Variants in NMRK1 observed in about 807,000 individuals in gnomAD.
The protein encoded by NMRK1 is NRK 1.
In NMRK1, 28 loss-of-function variants were observed where a neutral mutation model predicts 29.9. The ratio of observed to expected loss-of-function variants is 0.94; its 90% CI spans 0.69 to 1.28. The LOEUF (loss-of-function observed/expected upper bound fraction) is 1.28, where lower values mean the gene tolerates loss of function less well. Among genes scored for constraint, NMRK1 ranks in the 50% most tolerant of loss-of-function variants. NMRK1 has a pLI of 0.00. For synonymous variants in NMRK1, 58 were observed against 73.0 expected (o/e 0.79, Z 1.05); for missense variants, 218 against 233.1 (o/e 0.94, Z 0.42).
chr9:75,082,988 G>A, intron 2 of NMRK1, 99 bp downstream of exon 2: 2 of 871,040 alleles, frequency 2.3e-6, no homozygotes, highest in East Asian at 4.8e-5. Flanking sequence ...CAGGACTCTG[G>A]AATCCTCACT....
chr9:75,064,039 T>A (rs1823197692), intron 8 of NMRK1, among the ~76,000 whole-genome samples: 1 of 152,008 alleles, frequency 6.6e-6, no homozygotes, highest in African/African-American at 2.4e-5. Flanking sequence ...GCCTCTAGGA[T>A]GTAGGGAAGG....
chr9:75,078,382 G>T (rs1252579866), intron 2 of NMRK1: 2 of 1,566,828 alleles, frequency 1.3e-6, no homozygotes, highest in Non-Finnish European at 1.7e-6. Context: ...TCCACCTGGG[G>T]GCCAGCTGGG....
At chr9:75,083,836 A>C (rs1045698505) in intron 1 of NMRK1, among the ~76,000 whole-genome samples, 2 of 152,250 alleles carry the variant, frequency 1.3e-5, no homozygotes, top group Non-Finnish European at 2.9e-5. Context: ...TTATATAACA[A>C]GAGAAAAAAC....
chr9:75,066,418 T>C, intron 8 of NMRK1: 2 of 397,680 alleles, frequency 5.0e-6, no homozygotes, highest in South Asian at 4.1e-5. Context: ...GCTCTGGACA[T>C]ACTAAAAAAA....
intron 3 of NMRK1, 63 bp downstream of exon 3, chr9:75,077,427 C>T (rs763246067): frequency 8.3e-7 from 1 of 1,199,106 alleles, no homozygotes; most frequent in Non-Finnish European, 1.2e-6. Context: ...GGATGTAATT[C>T]AATTAACGTG....
At chr9:75,076,463 A>C (rs1443223712) in intron 4 of NMRK1, among the ~76,000 whole-genome samples, 1 of 152,242 alleles carries the variant, frequency 6.6e-6, no homozygotes, top group Admixed American at 6.5e-5. Flanking sequence ...GAGAAAAAAA[A>C]GTATTTATTA....
At chr9:75,077,729 G>A in intron 2 of NMRK1, 149 bp from the exon 3 acceptor site, 1 of 598,310 alleles carries the variant, frequency 1.7e-6, no homozygotes, top group Non-Finnish European at 3.0e-6. Context: ...TCCGATTCAT[G>A]GGTTCAAGTG....
intron 8 of NMRK1, chr9:75,066,171 G>A: frequency 2.2e-6 from 1 of 450,848 alleles, no homozygotes; most frequent in South Asian, 1.7e-5. Context: ...TCCAACAATG[G>A]AACACTAGGC....
intron 1 of NMRK1, 28 bp from the exon 2 acceptor site, chr9:75,083,178 T>C: frequency 8.7e-7 from 1 of 1,150,002 alleles, no homozygotes; most frequent in East Asian, 2.3e-5. Flanking sequence ...AACAAACAAA[T>C]CAAATGCATT....
chr9:75,079,593 G>T (rs1259304071), intron 2 of NMRK1, among the ~76,000 whole-genome samples: 1 of 152,198 alleles, frequency 6.6e-6, no homozygotes, highest in Non-Finnish European at 1.5e-5. Flanking sequence ...CTAGAAGACA[G>T]TCTGAGATAT....
intron 1 of NMRK1, chr9:75,087,643 G>A (rs1422434013): frequency 6.6e-6 from 1 of 151,768 alleles, no homozygotes; most frequent in African/African-American, 2.4e-5. Flanking sequence ...ATTCTTAGCA[G>A]GCCTTACAGT....
At position 75,077,528 on chromosome 9, in the gene NMRK1, G is replaced by A; in HGVS notation, c.82C>T (p.Pro28Ser). 1 of 1,613,414 alleles carries A rather than the reference G, an allele frequency of 6.2e-7. No individual in the cohort carries two copies. The highest frequency in any genetic ancestry group is 1.1e-5 in the South Asian group (1 of 91,062). ...TCCTGAGATATGACACTGCAATTTG[G>A]GAGGTGTTTCTGCAAATTCTTAGCC... ...TLAKNLQKHL[P>S]NCSVISQDDF... Residue 28 changes from proline to serine, a missense_variant, in exon 3 of 9, where the codon CCA becomes TCA. Transcript: ENST00000361092.
chr9:75,075,013 G>A (rs970288971), intron 4 of NMRK1, among the ~76,000 whole-genome samples: 2 of 152,240 alleles, frequency 1.3e-5, no homozygotes, highest in East Asian at 3.9e-4. Context: ...GTATATTAGG[G>A]CCTTTGTTTT....
chr9:75,069,665 A>G (rs1304457142), intron 6 of NMRK1, 77 bp downstream of exon 6: 8 of 1,160,932 alleles, frequency 6.9e-6, no homozygotes, highest in African/African-American at 1.5e-5. Context: ...GCATTGCTCA[A>G]TAATGTTGCT....
intron 8 of NMRK1, chr9:75,066,344 C>T: frequency 1.2e-5 from 6 of 484,236 alleles, no homozygotes; most frequent in South Asian, 9.1e-5. Context: ...TTTTGTTTAT[C>T]TTTGAGGTAT....
At chr9:75,078,483 C>G in intron 2 of NMRK1, 1 of 1,432,896 alleles carries the variant, frequency 7.0e-7, no homozygotes. Context: ...AGTTACTCCT[C>G]TTTAGATCTA....
At chr9:75,074,455 C>T (rs759287956) in intron 4 of NMRK1, among the ~76,000 whole-genome samples, 8 of 151,922 alleles carry the variant, frequency 5.3e-5, no homozygotes, top group Non-Finnish European at 8.8e-5. Flanking sequence ...TGGCATATCT[C>T]GGCTCACTAT....
Position 75,069,804 on chromosome 9 carries a change from G to A in NMRK1, c.327C>T (p.Asp109=), listed in dbSNP as rs752473842. Residue 109 remains aspartate (D), a synonymous_variant, in exon 6 of 9, where the codon GAC becomes GAT. Coordinates refer to ENST00000361092, the MANE Select transcript of NMRK1 (RefSeq NM_017881.3). ...GGAAATAGCTTCTATTCCATATAGT[G>A]TCAAGGGGCCTAAAATAACAGCATA... ...GFLLFNYKPL[D]TIWNRSYFLT... is the part of the protein sequence containing the mutation. 6.2e-7 allele frequency: 1 copy of A among 1,612,890 alleles called. No homozygotes were observed. Among genetic ancestry groups the A allele is most frequent in the Non-Finnish European group, 8.5e-7 (1 of 1,179,344 alleles).
In NMRK1 at chr9:75,064,153, T is replaced by C. The variant is rs1268403509; in HGVS notation, c.581-2586A>G. Among the ~76,000 whole-genome samples, 4 of 152,192 alleles carry C rather than the reference T, an allele frequency of 2.6e-5. No individual in the cohort carries two copies. The East Asian group carries it at 5.8e-4, about 22-fold the overall frequency. ...GGGCTTTGGAACAGATGGTGAAGACTGAATTTGGAATGGAGCTGGTTGCAA... is the reference window on the plus strand; with the variant it reads ...GGGCTTTGGAACAGATGGTGAAGACCGAATTTGGAATGGAGCTGGTTGCAA... On this transcript the variant is annotated intron_variant, in intron 8 of 8. Transcript: ENST00000361092.
Sources: allele counts gnomAD v4.1 joint callset (sites outside exome capture counted in the v4.1 genomes callset), GRCh38; gene constraint gnomAD v4.1.1; transcripts MANE v1.5; gene names NCBI Gene and HGNC (gene_info 2026-07-23, HGNC 2026-07-21).